AKAP19: variants seen among roughly 807,000 people sequenced by gnomAD.
AKAP19 encodes A-kinase anchoring protein 19, also known as small A-kinase anchoring protein.
chr2:189,974,326 G>T, the AKAP19 span, among the ~76,000 whole-genome samples: 1 of 152,144 alleles, frequency 6.6e-6, no homozygotes, highest in Non-Finnish European at 1.5e-5. Context: ...TAGTTTGATT[G>T]CACTGTGATC....
the AKAP19 span, among the ~76,000 whole-genome samples, chr2:189,881,934 G>C: frequency 0.032 from 4,827 of 152,194 alleles, 132 homozygotes; most frequent in Admixed American, 0.056. Context: ...CTGACTATTT[G>C]TATACAGTGC....
At chr2:190,135,637 G>A in the AKAP19 span, among the ~76,000 whole-genome samples, 1 of 152,162 alleles carries the variant, frequency 6.6e-6, no homozygotes, top group African/African-American at 2.4e-5. Flanking sequence ...ACGGCTTACC[G>A]TGTTACCTTG....
chr2:189,919,294 A>G, the AKAP19 span, among the ~76,000 whole-genome samples: 3 of 152,342 alleles, frequency 2.0e-5, no homozygotes, highest in East Asian at 5.8e-4. Context: ...CCTTTTGAGC[A>G]TTAAAAATGT....
chr2:190,060,544 C>T, the AKAP19 span: 3 of 936,112 alleles, frequency 3.2e-6, no homozygotes, highest in Non-Finnish European at 4.7e-6. Flanking sequence ...TATGCCTATG[C>T]AGTCTTTTAA....
chr2:190,124,048 C>A, the AKAP19 span, among the ~76,000 whole-genome samples: 1 of 152,198 alleles, frequency 6.6e-6, no homozygotes, highest in Non-Finnish European at 1.5e-5. Flanking sequence ...AGGTCTTCTG[C>A]CTCATACTGA....
the AKAP19 span, among the ~76,000 whole-genome samples, chr2:190,053,979 T>C: frequency 6.6e-6 from 1 of 152,212 alleles, no homozygotes; most frequent in South Asian, 2.1e-4. Context: ...TTTTTATATA[T>C]GTTATTGCAC....
the AKAP19 span, chr2:190,137,665 G>A: frequency 1.3e-5 from 2 of 152,276 alleles, no homozygotes; most frequent in South Asian, 2.1e-4. Flanking sequence ...CTGATCGGAG[G>A]GTGGCATGTG....
chr2:190,173,189 C>T, the AKAP19 span, among the ~76,000 whole-genome samples: 6 of 152,238 alleles, frequency 3.9e-5, no homozygotes, highest in Admixed American at 1.3e-4. Flanking sequence ...AGTAGATGCT[C>T]AATAAATAGT....
the AKAP19 span, among the ~76,000 whole-genome samples, chr2:189,917,065 T>C: frequency 2.0e-5 from 3 of 152,294 alleles, no homozygotes; most frequent in Admixed American, 6.5e-5. Flanking sequence ...AAAATAAGGT[T>C]CTTGAAGAAT....
At chr2:190,057,220 T>C in the AKAP19 span, 1 of 1,611,218 alleles carries the variant, frequency 6.2e-7, no homozygotes. Context: ...GGGAAAACCT[T>C]CCATGTTTTA....
chr2:190,181,243 G>T, the AKAP19 span: 34,188 of 746,756 alleles, frequency 0.046, 2,607 homozygotes, highest in African/African-American at 0.29. Flanking sequence ...AAACGAGACC[G>T]TTCTCAGCCA....
At chr2:189,976,410 G>A in the AKAP19 span, among the ~76,000 whole-genome samples, 4 of 152,178 alleles carry the variant, frequency 2.6e-5, no homozygotes, top group Non-Finnish European at 4.4e-5. Flanking sequence ...TCCCAATTAG[G>A]CTCTTCAGGG....
the AKAP19 span, among the ~76,000 whole-genome samples, chr2:190,074,359 A>G: frequency 6.6e-6 from 1 of 152,202 alleles, no homozygotes; most frequent in East Asian, 1.9e-4. Flanking sequence ...AGAATTTAAA[A>G]ATAGAGAAAA....
chr2:189,973,469 G>C, the AKAP19 span, among the ~76,000 whole-genome samples: 1 of 152,140 alleles, frequency 6.6e-6, no homozygotes, highest in Non-Finnish European at 1.5e-5. Context: ...TCTCTGCCAG[G>C]CTTTGGTATC....
the AKAP19 span, among the ~76,000 whole-genome samples, chr2:190,084,674 T>G: frequency 6.6e-6 from 1 of 152,214 alleles, no homozygotes; most frequent in African/African-American, 2.4e-5. Context: ...CGACTATTTT[T>G]AAGGTGATTG....
the AKAP19 span, among the ~76,000 whole-genome samples, chr2:189,957,603 T>C: frequency 6.6e-5 from 10 of 152,320 alleles, no homozygotes; most frequent in East Asian, 1.9e-3. Flanking sequence ...AATAAGAAGA[T>C]ATTATTATAT....
At chr2:189,998,798 A>G in the AKAP19 span, among the ~76,000 whole-genome samples, 4 of 45,728 alleles carry the variant, frequency 8.7e-5, no homozygotes, top group African/African-American at 9.7e-5. Flanking sequence ...TTTGATATGG[A>G]GTCTTACTCT....
the AKAP19 span, among the ~76,000 whole-genome samples, chr2:190,134,946 ACT>A: frequency 6.6e-6 from 1 of 151,986 alleles, no homozygotes; most frequent in Non-Finnish European, 1.5e-5. Flanking sequence ...TGATATTATA[ACT>A]CTTCAAAGCT....
the AKAP19 span, chr2:190,057,703 T>A: frequency 6.5e-7 from 1 of 1,540,812 alleles, no homozygotes; most frequent in Non-Finnish European, 9.0e-7. Context: ...CTACCTACCT[T>A]AAGAAGTTAT....
Sources: gnomAD v4.1 joint callset for allele counts (sites outside exome capture counted in the v4.1 genomes callset) on GRCh38, gnomAD v4.1.1 for gene constraint, MANE v1.5 for transcripts, NCBI Gene and HGNC (gene_info 2026-07-23, HGNC 2026-07-21) for gene names.